CACNA1E: variants seen among roughly 807,000 people sequenced by gnomAD.
CACNA1E encodes the protein voltage-dependent R-type calcium channel subunit alpha-1E.
A neutral mutation model predicts 259.2 loss-of-function variants in CACNA1E; 40 were observed. The ratio of observed to expected loss-of-function variants is 0.15; its 90% CI spans 0.12 to 0.20. CACNA1E has a LOEUF of 0.20. Among genes scored for constraint, CACNA1E ranks in the 10% least tolerant of loss-of-function variants. The probability of loss-of-function intolerance (pLI) is 1.00; values close to 1 mark genes in which losing one functional copy is unlikely to be tolerated. For missense variants in CACNA1E, 1,874 were observed against 3,040.1 expected, an observed-to-expected ratio of 0.62 and a Z score of 9.02; for synonymous variants, 1,104 against 1,138.5, an observed-to-expected ratio of 0.97 and a Z score of 0.61.
intron 3 of CACNA1E, among the ~76,000 whole-genome samples, chr1:181,540,253 C>A (rs1267035020): frequency 6.6e-6 from 1 of 152,104 alleles, no homozygotes; most frequent in Non-Finnish European, 1.5e-5. Flanking sequence ...ATCAGGAATG[C>A]CCTGTATCCT....
At chr1:181,585,933 T>TAAAGCAA (rs1652016612) in intron 6 of CACNA1E, among the ~76,000 whole-genome samples, 1 of 152,146 alleles carries the variant, frequency 6.6e-6, no homozygotes, top group Non-Finnish European at 1.5e-5. Context: ...AATGGAGGGT[T>TAAAGCAA]TTGAGGAAAG....
intron 2 of CACNA1E, among the ~76,000 whole-genome samples, chr1:181,430,270 A>G (rs545074584): frequency 6.6e-6 from 1 of 152,348 alleles, no homozygotes; most frequent in South Asian, 2.1e-4. Context: ...GAGTGTGGAC[A>G]AAGGGTGAGG....
chr1:181,783,748 C>T lies in CACNA1E; in HGVS notation c.5434C>T (p.Leu1812=). 6.2e-7 allele frequency: 1 copy of T among 1,611,486 alleles called. No individual in the cohort carries two copies. The highest frequency in any genetic ancestry group is 8.5e-7 in the Non-Finnish European group (1 of 1,179,344). The stretch of plus-strand genomic sequence containing the variant: ...CCACTTCACCTCCACACTTATGGCT[C>T]TGATCCGGACAGCTCTGGACATTAA... ...TVHFTSTLMA[L]IRTALDIKIA... The change falls in exon 40 of 48, where the codon CTG becomes TTG. Residue 1812 remains leucine (L), a synonymous_variant. Coordinates refer to ENST00000367573, the MANE Select transcript of CACNA1E (RefSeq NM_001205293.3).
At position 181,801,907 on chromosome 1, in the gene CACNA1E, G is replaced by A. The variant is rs537160026; in HGVS notation, c.*3073G>A. 3.3e-5 allele frequency: 5 copies of A among 152,234 alleles called. No homozygotes were observed. Among genetic ancestry groups the A allele is most frequent in the African/African-American group, 4.8e-5 (2 of 41,454 alleles). 9.4% of individuals were successfully genotyped at this position (152,234 alleles called of 1,614,324 possible). On this transcript the variant is annotated 3_prime_UTR_variant, in exon 48 of 48. Transcript: ENST00000367573. ...AAGAGCAAAGCCAAGATAGAGGAAG[G>A]TAAAAGGAGGAGGAAAGGAAACCAA... is the stretch of plus-strand genomic sequence containing the variant.
chr1:181,762,465 A>G, intron 32 of CACNA1E, 109 bp from the exon 33 acceptor site: 3 of 701,148 alleles, frequency 4.3e-6, no homozygotes, highest in Non-Finnish European at 7.5e-6. Context: ...GCATTAATTG[A>G]CAAGTTTTAT....
At chr1:181,705,860 C>A (rs1652745903) in intron 7 of CACNA1E, among the ~76,000 whole-genome samples, 1 of 152,174 alleles carries the variant, frequency 6.6e-6, no homozygotes, top group Admixed American at 6.5e-5. Flanking sequence ...ATTGAGACAG[C>A]AAGGTGACTG....
At chr1:181,668,717 C>G (rs1231020098) in intron 7 of CACNA1E, 2 of 152,018 alleles carry the variant, frequency 1.3e-5, no homozygotes, top group Non-Finnish European at 2.9e-5. Flanking sequence ...ACAAATTTAT[C>G]TCGAAGTTAT....
At chr1:181,406,457 C>T (rs899225589) in intron 1 of CACNA1E, among the ~76,000 whole-genome samples, 1 of 151,836 alleles carries the variant, frequency 6.6e-6, no homozygotes, top group Non-Finnish European at 1.5e-5. Flanking sequence ...AGTGAAGTGG[C>T]GCGATCTCGG....
At chr1:181,684,882 T>C (rs967566366) in intron 7 of CACNA1E, among the ~76,000 whole-genome samples, 4 of 151,602 alleles carry the variant, frequency 2.6e-5, no homozygotes, top group Non-Finnish European at 5.9e-5. Flanking sequence ...AATCCTTTTT[T>C]TTTTTTTTTG....
At chr1:181,456,708 C>T (rs1204234729) in intron 2 of CACNA1E, among the ~76,000 whole-genome samples, 2 of 152,120 alleles carry the variant, frequency 1.3e-5, no homozygotes, top group South Asian at 2.1e-4. Context: ...TCCCACGCTG[C>T]CAGGAAGGCA....
At chr1:181,329,959 G>A (rs1241977739) in intron 1 of CACNA1E, among the ~76,000 whole-genome samples, 2 of 152,162 alleles carry the variant, frequency 1.3e-5, no homozygotes, top group Non-Finnish European at 2.9e-5. Context: ...GGAGTGGAGG[G>A]GAGTAGGGGA....
In CACNA1E at chr1:181,733,139, G is replaced by A. The variant is rs1425667815; in HGVS notation, c.2948+105G>A. The A allele has an allele frequency of 2.1e-6, 3 of 1,396,302 alleles. No individual in the cohort carries two copies. The Admixed American group carries it at 8.7e-5, about 40-fold the overall frequency. The allele number at this position is 1,396,302 out of a possible 1,614,324, so 86.5% of individuals were successfully genotyped here. ...CCAGTTTCTTCTCCTATTATAAAAT[G>A]GAAATGATGCTGACACACACTTTGT... is the stretch of plus-strand genomic sequence containing the variant. On this transcript the variant is annotated intron_variant, in intron 20 of 47. Transcript: ENST00000367573.
intron 3 of CACNA1E, among the ~76,000 whole-genome samples, chr1:181,571,849 G>A (rs1650444925): frequency 6.6e-6 from 1 of 152,112 alleles, no homozygotes; most frequent in South Asian, 2.1e-4. Flanking sequence ...AAGAGAAATT[G>A]GAAATTTTTT....
intron 3 of CACNA1E, among the ~76,000 whole-genome samples, chr1:181,513,634 C>T (rs938702333): frequency 1.3e-5 from 2 of 152,124 alleles, no homozygotes; most frequent in South Asian, 2.1e-4. Context: ...AGAAACTGGT[C>T]TGTTTGACTG....
chr1:181,326,937 C>A (rs1041649275), intron 1 of CACNA1E, among the ~76,000 whole-genome samples: 8 of 152,170 alleles, frequency 5.3e-5, no homozygotes, highest in Non-Finnish European at 1.0e-4. Context: ...TCACCCACCC[C>A]ACGTGGGCCT....
chr1:181,380,121 G>A (rs1230346218), intron 1 of CACNA1E, among the ~76,000 whole-genome samples: 1 of 150,794 alleles, frequency 6.6e-6, no homozygotes, highest in Non-Finnish European at 1.5e-5. Context: ...AAATAAAATA[G>A]AACAATACAA....
At chr1:181,615,853 C>A (rs935831229) in intron 6 of CACNA1E, among the ~76,000 whole-genome samples, 16 of 152,172 alleles carry the variant, frequency 1.1e-4, no homozygotes, top group African/African-American at 3.9e-4. Context: ...TCTCATTAAA[C>A]ATGATCTTTG....
At chr1:181,464,170 G>A (rs1662000770) in intron 2 of CACNA1E, among the ~76,000 whole-genome samples, 1 of 151,852 alleles carries the variant, frequency 6.6e-6, no homozygotes, top group Non-Finnish European at 1.5e-5. Flanking sequence ...TGTAGTTTTG[G>A]TATATTAATT....
At chr1:181,598,251 A>G (rs1009868635) in intron 6 of CACNA1E, among the ~76,000 whole-genome samples, 1 of 152,154 alleles carries the variant, frequency 6.6e-6, no homozygotes, top group African/African-American at 2.4e-5. Flanking sequence ...ATGGTGGAAG[A>G]GCTTTTGCTC....
Sources: gnomAD v4.1 joint callset for allele counts (sites outside exome capture counted in the v4.1 genomes callset) on GRCh38, gnomAD v4.1.1 for gene constraint, MANE v1.5 for transcripts, NCBI Gene and HGNC (gene_info 2026-07-23, HGNC 2026-07-21) for gene names.